The following DLC1 variants were observed in gnomAD, a reference collection of about 807,000 sequenced individuals.
The protein encoded by DLC1 is DLC1 Rho GTPase activating protein.
A neutral mutation model predicts 140.3 loss-of-function variants in DLC1; 54 were observed. That is an observed-to-expected ratio of 0.38 (90% CI 0.31 to 0.48). The LOEUF (loss-of-function observed/expected upper bound fraction) is 0.48. Among genes scored for constraint, DLC1 ranks in the 20% least tolerant of loss-of-function variants. DLC1 has a pLI of 0.96. For missense variants in DLC1, 2,536 were observed against 1,907.0 expected, an observed-to-expected ratio of 1.33 and a Z score of -6.14; for synonymous variants, 986 against 728.1, an observed-to-expected ratio of 1.35 and a Z score of -5.70.
intron 2 of DLC1, among the ~76,000 whole-genome samples, chr8:13,445,101 G>A (rs1178128632): frequency 2.6e-5 from 4 of 152,070 alleles, no homozygotes; most frequent in Admixed American, 2.6e-4. Context: ...GAGTGAGAAA[G>A]AGAAAGTGTG....
intron 5 of DLC1, among the ~76,000 whole-genome samples, chr8:13,256,014 A>G (rs1830208943): frequency 6.6e-6 from 1 of 152,188 alleles, no homozygotes; most frequent in Non-Finnish European, 1.5e-5. Context: ...TTTAGAGATA[A>G]CATAATTTAA....
At chr8:13,416,950 T>C (rs1048709871) in intron 2 of DLC1, among the ~76,000 whole-genome samples, 6 of 152,146 alleles carry the variant, frequency 3.9e-5, no homozygotes, top group African/African-American at 1.4e-4. Flanking sequence ...GTTATGTGCC[T>C]TTGTTAAAGT....
chr8:13,218,692 G>C (rs1453181716), intron 5 of DLC1, among the ~76,000 whole-genome samples: 1 of 149,962 alleles, frequency 6.7e-6, no homozygotes, highest in Admixed American at 6.7e-5. Context: ...AAATGATGAA[G>C]TCTTTTGAAA....
At chr8:13,447,607 T>A (rs1347129718) in intron 2 of DLC1, among the ~76,000 whole-genome samples, 2 of 152,212 alleles carry the variant, frequency 1.3e-5, no homozygotes, top group African/African-American at 4.8e-5. Flanking sequence ...AGGTCTTTAG[T>A]TCTTCTAGGT....
intron 5 of DLC1, among the ~76,000 whole-genome samples, chr8:13,196,093 G>GATACACACAC (rs1249597238): frequency 1.2e-5 from 1 of 81,954 alleles, no homozygotes; most frequent in African/African-American, 4.7e-5. Flanking sequence ...ATTCTGTATT[G>GATACACACAC]ATACACACAC....
chr8:13,584,797 T>C (rs1805241765), intron 1 of DLC1, among the ~76,000 whole-genome samples: 2 of 152,190 alleles, frequency 1.3e-5, no homozygotes, highest in South Asian at 4.1e-4. Context: ...TTCTTGGAAC[T>C]GTGCACACAC....
At chr8:13,425,800 A>G (rs1221121648) in intron 2 of DLC1, among the ~76,000 whole-genome samples, 17 of 152,146 alleles carry the variant, frequency 1.1e-4, no homozygotes, top group Admixed American at 1.1e-3. Flanking sequence ...TTGGGGTGAT[A>G]GGGTCTCACT....
chr8:13,551,657 G>C (rs1383884231), intron 1 of DLC1, among the ~76,000 whole-genome samples: 1 of 151,836 alleles, frequency 6.6e-6, no homozygotes, highest in Non-Finnish European at 1.5e-5. Context: ...ATGATTGAAG[G>C]TGAGACATCT....
intron 4 of DLC1, among the ~76,000 whole-genome samples, chr8:13,363,502 C>G (rs563322738): frequency 2.2e-4 from 34 of 151,940 alleles, no homozygotes; most frequent in Admixed American, 1.7e-3. Flanking sequence ...GAAGTGGAAA[C>G]TGAACCTAGC....
chr8:13,473,066 T>C (rs1460376365), intron 2 of DLC1, among the ~76,000 whole-genome samples: 1 of 152,324 alleles, frequency 6.6e-6, no homozygotes, highest in East Asian at 1.9e-4. Flanking sequence ...CTGTTTGTGG[T>C]GCTGACTATT....
chr8:13,584,264 A>G (rs1805224598), intron 1 of DLC1: 1 of 153,900 alleles, frequency 6.5e-6, no homozygotes, highest in Non-Finnish European at 1.5e-5. Flanking sequence ...GCTGCACTGT[A>G]AAGATCTGCC....
At chr8:13,110,291 T>C (rs979665669) in intron 7 of DLC1, among the ~76,000 whole-genome samples, 1 of 152,196 alleles carries the variant, frequency 6.6e-6, no homozygotes, top group African/African-American at 2.4e-5. Context: ...AGTTATTTTA[T>C]AGCCTTATTT....
At chr8:13,458,245 G>C (rs965158057) in intron 2 of DLC1, among the ~76,000 whole-genome samples, 1 of 152,130 alleles carries the variant, frequency 6.6e-6, no homozygotes. Context: ...ACCATTAGTT[G>C]TGTAACTTTG....
intron 1 of DLC1, among the ~76,000 whole-genome samples, chr8:13,514,317 G>C (rs2117267240): frequency 6.6e-6 from 1 of 152,218 alleles, no homozygotes; most frequent in East Asian, 1.9e-4. Context: ...TGATCCGACA[G>C]CTCAATTAAT....
At chr8:13,537,875 C>T (rs1330597178) in intron 1 of DLC1, among the ~76,000 whole-genome samples, 1 of 151,774 alleles carries the variant, frequency 6.6e-6, no homozygotes, top group African/African-American at 2.4e-5. Flanking sequence ...GGATAGTCTA[C>T]GATTTCCTGA....
At chr8:13,119,089 C>T (rs1820813320) in intron 5 of DLC1, among the ~76,000 whole-genome samples, 1 of 151,900 alleles carries the variant, frequency 6.6e-6, no homozygotes, top group Non-Finnish European at 1.5e-5. Context: ...ATTAGCCAGG[C>T]ATGGTGGCAC....
chr8:13,268,276 A>AG (rs1309167377), intron 5 of DLC1, among the ~76,000 whole-genome samples: 3 of 152,198 alleles, frequency 2.0e-5, no homozygotes, highest in Admixed American at 6.5e-5. Flanking sequence ...TCTTATAAAG[A>AG]GGAGAATGGC....
At chr8:13,454,443 GC>G in intron 2 of DLC1, among the ~76,000 whole-genome samples, 1 of 152,170 alleles carries the variant, frequency 6.6e-6, no homozygotes, top group Middle Eastern at 3.4e-3. Flanking sequence ...TCCTAACAAG[GC>G]AAAAAGTAAT....
chr8:13,288,565 C>T (rs1831626727), intron 5 of DLC1, among the ~76,000 whole-genome samples: 1 of 152,208 alleles, frequency 6.6e-6, no homozygotes, highest in South Asian at 2.1e-4. Context: ...TTCTTTCCCT[C>T]CTCAGCTAAA....
Sources: gnomAD v4.1 joint callset for allele counts (sites outside exome capture counted in the v4.1 genomes callset) on GRCh38, gnomAD v4.1.1 for gene constraint, MANE v1.5 for transcripts, NCBI Gene and HGNC (gene_info 2026-07-23, HGNC 2026-07-21) for gene names.